AGO3: variants seen among roughly 807,000 people sequenced by gnomAD.
AGO3 encodes argonaute RISC catalytic component 3, also known as protein argonaute-3.
In AGO3, 16 loss-of-function variants were observed where a neutral mutation model predicts 105.5. The ratio of observed to expected loss-of-function variants is 0.15; its 90% CI spans 0.10 to 0.23. The LOEUF is 0.23. Among genes scored for constraint, AGO3 ranks in the 10% least tolerant of loss-of-function variants. The pLI, the probability that AGO3 is intolerant of heterozygous loss-of-function variation, is 1.00. For missense variants in AGO3, 534 were observed against 1,088.0 expected (o/e 0.49, Z 7.16); for synonymous variants, 340 against 367.3 (o/e 0.93, Z 0.85).
chr1:36,012,651 A>C (rs950412199), intron 9 of AGO3, among the ~76,000 whole-genome samples: 18 of 152,162 alleles, frequency 1.2e-4, no homozygotes, highest in Non-Finnish European at 2.5e-4. Flanking sequence ...ATCAAACTCT[A>C]CACAAAATAA....
intron 1 of AGO3, among the ~76,000 whole-genome samples, chr1:35,937,753 G>C (rs958110987): frequency 6.6e-6 from 1 of 152,166 alleles, no homozygotes; most frequent in African/African-American, 2.4e-5. Flanking sequence ...CTGGCTGGAT[G>C]TTCTATAAGT....
intron 13 of AGO3, among the ~76,000 whole-genome samples, chr1:36,034,785 C>T (rs941840883): frequency 6.6e-6 from 1 of 152,190 alleles, no homozygotes. Flanking sequence ...TACTCACCTA[C>T]CTGGAATGTG....
chr1:35,946,491 G>A (rs750260401), intron 2 of AGO3, among the ~76,000 whole-genome samples: 6 of 152,024 alleles, frequency 3.9e-5, no homozygotes, highest in Non-Finnish European at 7.4e-5. Context: ...TTTGGATTTT[G>A]TTTTTAAAAA....
chr1:36,045,038 C>T (rs1642406269), intron 17 of AGO3, among the ~76,000 whole-genome samples: 1 of 152,090 alleles, frequency 6.6e-6, no homozygotes, highest in African/African-American at 2.4e-5. Context: ...AGATTCATGG[C>T]TTTAAATTAT....
chr1:35,995,028 A>C (rs1648145654), intron 5 of AGO3, among the ~76,000 whole-genome samples: 1 of 151,222 alleles, frequency 6.6e-6, no homozygotes, highest in African/African-American at 2.4e-5. Context: ...GTGAAACCCT[A>C]TCTCTACTAA....
chr1:36,009,093 T>TTTTTTTTTTTTTTTTGAGAC, intron 8 of AGO3, 49 bp downstream of exon 8: 2 of 1,473,356 alleles, frequency 1.4e-6, no homozygotes, highest in African/African-American at 1.5e-5. Context: ...ATGATTCTTT[T>TTTTTTTTTTTTTTTTGAGAC]GGGGTCTTTT....
chr1:35,957,596 C>T (rs760838413), intron 2 of AGO3, among the ~76,000 whole-genome samples: 4 of 150,764 alleles, frequency 2.7e-5, no homozygotes, highest in African/African-American at 4.9e-5. Context: ...CGTGGTGGCA[C>T]GTGCTTGTAA....
At position 35,931,518 on chromosome 1, in the gene AGO3, G is replaced by T. The variant is rs560126971; in HGVS notation, c.19+73G>T. 1.1e-5 allele frequency: 15 copies of T among 1,316,040 alleles called. No homozygotes were observed. In the Admixed American group the frequency reaches 3.6e-4, roughly 31 times the overall value. The allele number at this position is 1,316,040 out of a possible 1,614,324, so 81.5% of individuals were successfully genotyped here. A position where few individuals can be genotyped will look rare whatever the true frequency, so the allele number is the denominator to read the frequency against. On this transcript the variant is annotated intron_variant, in intron 1 of 18. Transcript: ENST00000373191. Reference sequence around the variant, plus strand: ...TCCTCTGAGCATCCCTGCTCCTCCCGCCCGGCCCAGGTGCGCGAGGTGAGC... The same window carrying T: ...TCCTCTGAGCATCCCTGCTCCTCCCTCCCGGCCCAGGTGCGCGAGGTGAGC...
At position 36,069,461 on chromosome 1, in the gene AGO3, C is replaced by T. The variant is rs1003629096; in HGVS notation, c.*13716C>T. 3 of 152,206 alleles carry T rather than the reference C, an allele frequency of 2.0e-5. No individual in the cohort carries two copies. Among genetic ancestry groups the T allele is most frequent in the Non-Finnish European group, 4.4e-5 (3 of 68,040 alleles). 9.4% of individuals were successfully genotyped at this position (152,206 alleles called of 1,614,324 possible). A position where few individuals can be genotyped will look rare whatever the true frequency, so the allele number is the denominator to read the frequency against. ...TTCTCCAAAGGAAAAGCTATTCAGA[C>T]GTTCAAGATAATAGAAGAGTGTTGT... is the stretch of plus-strand genomic sequence containing the variant. On this transcript the variant is annotated 3_prime_UTR_variant, in exon 19 of 19. Coordinates refer to ENST00000373191, the MANE Select transcript of AGO3 (RefSeq NM_024852.4).
intron 13 of AGO3, among the ~76,000 whole-genome samples, chr1:36,035,585 A>T (rs540210555): frequency 4.9e-4 from 74 of 152,194 alleles, no homozygotes; most frequent in Non-Finnish European, 9.0e-4. Flanking sequence ...GGTTTAAAAT[A>T]TAAGTCTTTT....
At chr1:35,952,226 A>G (rs1265280120) in intron 2 of AGO3, among the ~76,000 whole-genome samples, 1 of 143,834 alleles carries the variant, frequency 7.0e-6, no homozygotes, top group African/African-American at 2.6e-5. Flanking sequence ...GGCTCACTGC[A>G]ACCTCTGCCT....
Position 35,980,076 on chromosome 1 carries a change from C to G in AGO3, c.658+6565C>G, listed in dbSNP as rs539188888. 7.2e-5 allele frequency among the ~76,000 whole-genome samples: 11 copies of G among 152,086 alleles called. No homozygotes were observed. The South Asian group carries it at 2.3e-3, about 32-fold the overall frequency. On this transcript the variant is annotated intron_variant, in intron 5 of 18. Coordinates refer to ENST00000373191, the MANE Select transcript of AGO3 (RefSeq NM_024852.4). ...TAGTCCTCATCTTAGGAAGATTTTTCCCCCCAGTGGTTATCTTTATACTTA... is the reference window on the plus strand; with the variant it reads ...TAGTCCTCATCTTAGGAAGATTTTTGCCCCCAGTGGTTATCTTTATACTTA...
chr1:35,952,734 A>G (rs1365121812), intron 2 of AGO3, among the ~76,000 whole-genome samples: 3 of 152,178 alleles, frequency 2.0e-5, no homozygotes, highest in Non-Finnish European at 4.4e-5. Flanking sequence ...AGGAGTAATA[A>G]GCCATACCAT....
At chr1:35,944,262 G>T (rs1385170937) in intron 1 of AGO3, among the ~76,000 whole-genome samples, 1 of 150,766 alleles carries the variant, frequency 6.6e-6, no homozygotes, top group Non-Finnish European at 1.5e-5. Flanking sequence ...ACAGGGTCTT[G>T]CCATTTTGCC....
chr1:35,999,778 T>G (rs1306236451), intron 5 of AGO3, among the ~76,000 whole-genome samples: 1 of 152,226 alleles, frequency 6.6e-6, no homozygotes, highest in African/African-American at 2.4e-5. Flanking sequence ...GGGTTTTCTA[T>G]GCACACAATT....
rs1434301505 is a variant in AGO3, at chr1:36,060,584, A to G, written c.*4839A>G. On this transcript the variant is annotated 3_prime_UTR_variant, in exon 19 of 19. Coordinates refer to ENST00000373191, the MANE Select transcript of AGO3 (RefSeq NM_024852.4). ...TTGCAGTCTTCCTATTTCAAACTTG[A>G]TTTTAATATTTTTACCAAGAAGTTT... 6.6e-6 allele frequency: 1 copy of G among 152,216 alleles called. No homozygotes were observed. The highest frequency in any genetic ancestry group is 1.5e-5 in the Non-Finnish European group (1 of 68,028). The allele number at this position is 152,216 out of a possible 1,614,324, so 9.4% of individuals were successfully genotyped here. A position where few individuals can be genotyped will look rare whatever the true frequency, so the allele number is the denominator to read the frequency against.
intron 11 of AGO3, among the ~76,000 whole-genome samples, chr1:36,026,251 G>A (rs1043814669): frequency 6.6e-6 from 1 of 152,004 alleles, no homozygotes; most frequent in African/African-American, 2.4e-5. Context: ...AGGGACTACA[G>A]GTGCCTGCCA....
At chr1:35,951,652 G>T (rs530942208) in intron 2 of AGO3, among the ~76,000 whole-genome samples, 1 of 152,290 alleles carries the variant, frequency 6.6e-6, no homozygotes, top group Admixed American at 6.5e-5. Context: ...GCCTTTCAAA[G>T]TGCTGGGATT....
chr1:35,989,949 CTTA>C (rs1647461427), intron 5 of AGO3, among the ~76,000 whole-genome samples: 1 of 152,052 alleles, frequency 6.6e-6, no homozygotes, highest in Non-Finnish European at 1.5e-5. Context: ...TTATTTACCT[CTTA>C]TTATGTACCA....
Sources: allele counts gnomAD v4.1 joint callset (sites outside exome capture counted in the v4.1 genomes callset), GRCh38; gene constraint gnomAD v4.1.1; transcripts MANE v1.5; gene names NCBI Gene and HGNC (gene_info 2026-07-23, HGNC 2026-07-21).